Variants in ACD observed in about 807,000 individuals in gnomAD.
The protein encoded by ACD is ACD shelterin complex subunit and telomerase recruitment factor.
ACD carries 39 observed loss-of-function variants against 53.9 expected under a neutral mutation model. The observed-to-expected ratio is 0.72, with a 90% CI of 0.56 to 0.95. The LOEUF is 0.95. Among genes scored for constraint, ACD ranks in the 40% least tolerant of loss-of-function variants. The pLI, the probability that ACD is intolerant of heterozygous loss-of-function variation, is 0.00. For synonymous variants in ACD, 273 were observed against 249.2 expected (o/e 1.10, Z -0.90); for missense variants, 526 against 587.9 (o/e 0.89, Z 1.09).
chr16:67,657,669 G>A lies in ACD; in HGVS notation c.1314C>T (p.Leu438=), dbSNP rs528476326. 6.8e-6 allele frequency: 11 copies of A among 1,614,182 alleles called. No homozygotes were observed. The East Asian group carries it at 1.1e-4, about 16-fold the overall frequency. The change falls in exon 12 of 12, where the codon CTC becomes CTT. Residue 438 remains leucine, a synonymous_variant. Coordinates refer to ENST00000620761, the MANE Select transcript of ACD (RefSeq NM_001082486.2). The surrounding 1 kb of genome is among the most constrained non-coding windows in gnomAD (Gnocchi z 4.5). The part of the protein sequence containing the change: ...RVQAVRLPPQ[L]MAWALHFLMD... ...TCAGAAAGTGCAAGGCCCAGGCCAT[G>A]AGCTGGGGAGGAAGCCTGGAAAGAA...
Position 67,658,281 on chromosome 16 carries a change from GC to G in ACD, c.910del (p.Ala304LeufsTer23). ...ISLLPALSLA[A>X]PDPGQRSSSQ... ...GCTGCTTCTCTGCCCTGGGTCTGGA[GC>G]AGCCAAGGACAGGGCAGGCAGAAGG... On this transcript the variant is annotated frameshift_variant, in exon 10 of 12. Transcript: ENST00000620761. LOFTEE classifies it high-confidence loss of function. 6.2e-7 allele frequency: 1 copy of G among 1,613,798 alleles called. No homozygotes were observed.
chr16:67,659,488 G>A (rs748459722), intron 4 of ACD, 49 bp downstream of exon 4: 29 of 1,613,544 alleles, frequency 1.8e-5, no homozygotes, highest in Admixed American at 8.3e-5. Flanking sequence ...TGCCAGCGCC[G>A]GCCAGGCTGG....
chr16:67,659,723 G>T lies in ACD; in HGVS notation c.315C>A (p.Val105=). Residue 105 remains valine, a synonymous_variant, in exon 3 of 12, where the codon GTC becomes GTA. Coordinates refer to ENST00000620761, the MANE Select transcript of ACD (RefSeq NM_001082486.2). ...TCACCGCGCCGCCCTCAGCGACCTG[G>T]ACATGAACCCCGCAGTCCTGCAGCA... ...LLLLQDCGVH[V]QVAEGGAPAE... The T allele has an allele frequency of 6.2e-7, 1 of 1,613,430 alleles. No homozygotes were observed. Among genetic ancestry groups the T allele is most frequent in the Non-Finnish European group, 8.5e-7 (1 of 1,180,002 alleles).
At chr16:67,658,845 C>T in intron 7 of ACD, 29 bp from the exon 8 acceptor site, 1 of 1,601,934 alleles carries the variant, frequency 6.2e-7, no homozygotes, top group Middle Eastern at 1.7e-4. Flanking sequence ...GTAGGACAGG[C>T]CCGTTTACTC....
chr16:67,659,525 G>A lies in ACD; in HGVS notation c.413+12C>T. The A allele has an allele frequency of 3.1e-6, 5 of 1,613,186 alleles. No homozygotes were observed. Among genetic ancestry groups the A allele is most frequent in the African/African-American group, 1.3e-5 (1 of 75,036 alleles). On this transcript the variant is annotated intron_variant, in intron 4 of 11. Transcript: ENST00000620761. Reference sequence around the variant, plus strand: ...GTGGGGAGAGCTGCTGGAGGGCGGAGGCATCACTTACCAACCAGGCACCCG... The same window carrying A: ...GTGGGGAGAGCTGCTGGAGGGCGGAAGCATCACTTACCAACCAGGCACCCG...
In ACD at chr16:67,659,717, G is replaced by C; in HGVS notation, c.321C>G (p.Val107=). The change falls in exon 3 of 12, where the codon GTC becomes GTG. Residue 107 remains valine, a synonymous_variant. Coordinates refer to ENST00000620761, the MANE Select transcript of ACD (RefSeq NM_001082486.2). ...LLQDCGVHVQ[V]AEGGAPAEFY... is the part of the protein sequence containing the mutation. Reference sequence around the variant, plus strand: ...CACCACTCACCGCGCCGCCCTCAGCGACCTGGACATGAACCCCGCAGTCCT... The same window carrying C: ...CACCACTCACCGCGCCGCCCTCAGCCACCTGGACATGAACCCCGCAGTCCT... 6.2e-7 allele frequency: 1 copy of C among 1,613,334 alleles called. No homozygotes were observed.
chr16:67,660,000 G>T lies in ACD; in HGVS notation c.145C>A (p.Pro49Thr). 1 of 1,608,794 alleles carries T rather than the reference G, an allele frequency of 6.2e-7. No individual in the cohort carries two copies. Among genetic ancestry groups the T allele is most frequent in the South Asian group, 1.1e-5 (1 of 90,888 alleles). ...EAAVAGPSHA[P>T]DTSDVGATLL... is the part of the protein sequence containing the mutation. Reference sequence around the variant, plus strand: ...GTGGCCCCGACGTCGGACGTATCAGGGGCGTGGGATGGGCCCGCGACCGCG... The same window carrying T: ...GTGGCCCCGACGTCGGACGTATCAGTGGCGTGGGATGGGCCCGCGACCGCG... The change falls in exon 2 of 12, where the codon CCT becomes ACT. Residue 49 changes from proline (P) to threonine (T), a missense_variant. Pro to Thr is a conservative substitution (Grantham distance 38). Transcript: ENST00000620761.
chr16:67,660,080 C>G (rs1264383736), intron 1 of ACD, 35 bp from the exon 2 acceptor site: 1 of 1,610,866 alleles, frequency 6.2e-7, no homozygotes, highest in Non-Finnish European at 8.5e-7. Context: ...CCCACCACCC[C>G]GGGCCTCCGC....
intron 9 of ACD, 23 bp from the exon 10 acceptor site, chr16:67,658,385 T>C (rs773684014): frequency 6.2e-7 from 1 of 1,613,052 alleles, no homozygotes; most frequent in Admixed American, 1.7e-5. Flanking sequence ...GGACTTATTG[T>C]AGGCACAGCC....
rs548837823 is a variant in ACD at position 67,658,800 on chromosome 16, G to C, written c.662C>G (p.Thr221Ser). The change falls in exon 8 of 12, where the codon ACT becomes AGT. Residue 221 changes from threonine to serine, a missense_variant. Thr to Ser is a moderately conservative substitution (Grantham distance 58). Coordinates refer to ENST00000620761, the MANE Select transcript of ACD (RefSeq NM_001082486.2). ...RCKATGEAVYTVPSSMLCISE... is the reference protein window; with the variant it reads ...RCKATGEAVYSVPSSMLCISE... ...GATGCACAGCATTGAGCTGGGGACA[G>C]TGTACACAGCTTCTCCCTGTGGGAC... is the stretch of plus-strand genomic sequence containing the variant. 1 of 1,613,028 alleles carries C rather than the reference G, an allele frequency of 6.2e-7. No individual in the cohort carries two copies. The highest frequency in any genetic ancestry group is 8.5e-7 in the Non-Finnish European group (1 of 1,179,436).
In ACD at chr16:67,657,658, G is replaced by T. The variant is rs1162172805; in HGVS notation, c.1325C>A (p.Ala442Asp). Residue 442 changes from alanine to aspartate, a missense_variant, in exon 12 of 12, where the codon GCC becomes GAC. By Grantham distance (126) the Ala-to-Asp change is moderately radical (BLOSUM62 -2). Coordinates refer to ENST00000620761, the MANE Select transcript of ACD (RefSeq NM_001082486.2). This position sits in a 1 kb window ranked among gnomAD's most constrained non-coding sequence, Gnocchi z 4.5. ...CTGTGCATCCATCAGAAAGTGCAAG[G>T]CCCAGGCCATGAGCTGGGGAGGAAG... The part of the protein sequence containing the change: ...VRLPPQLMAW[A>D]LHFLMDAQPG... 6.2e-7 allele frequency: 1 copy of T among 1,614,186 alleles called. No individual in the cohort carries two copies.
Position 67,659,888 on chromosome 16 carries a change from C to A in ACD, c.242+15G>T. On this transcript the variant is annotated intron_variant, in intron 2 of 11. Transcript: ENST00000620761. ...TGCCGGACTCCGACCTCCAGAGCCG[C>A]GCGGGGCCTCTCACCAGTCCGAGGT... 1 of 1,582,300 alleles carries A rather than the reference C, an allele frequency of 6.3e-7. No homozygotes were observed. Among genetic ancestry groups the A allele is most frequent in the Non-Finnish European group, 8.6e-7 (1 of 1,162,520 alleles).
chr16:67,658,796 G>A lies in ACD; in HGVS notation c.666C>T (p.Val222=), dbSNP rs374438854. The A allele has an allele frequency of 9.9e-6, 16 of 1,613,246 alleles. No individual in the cohort carries two copies. The highest frequency in any genetic ancestry group is 1.4e-5 in the Non-Finnish European group (16 of 1,179,624). ...CKATGEAVYT[V]PSSMLCISEN... is the part of the protein sequence containing the mutation. The stretch of plus-strand genomic sequence containing the variant: ...CAGAGATGCACAGCATTGAGCTGGG[G>A]ACAGTGTACACAGCTTCTCCCTGTG... The change falls in exon 8 of 12, where the codon GTC becomes GTT. Residue 222 remains valine, a synonymous_variant. Transcript: ENST00000620761.
At position 67,659,950 on chromosome 16, in the gene ACD, G is replaced by A. The variant is rs2052969783; in HGVS notation, c.195C>T (p.His65=). The change falls in exon 2 of 12, where the codon CAC becomes CAT. Residue 65 remains histidine (H), a synonymous_variant. Coordinates refer to ENST00000620761, the MANE Select transcript of ACD (RefSeq NM_001082486.2). ...GATLLVSDGT[H]SVRCLVTREA... Reference sequence around the variant, plus strand: ...CCCGCGTCACCAGGCATCGGACACTGTGGGTCCCGTCAGACACAAGCAGCG... The same window carrying A: ...CCCGCGTCACCAGGCATCGGACACTATGGGTCCCGTCAGACACAAGCAGCG... The A allele has an allele frequency of 6.2e-7, 1 of 1,608,304 alleles. No individual in the cohort carries two copies. Among genetic ancestry groups the A allele is most frequent in the Non-Finnish European group, 8.5e-7 (1 of 1,178,898 alleles).
In ACD at chr16:67,657,794, G is replaced by GC; in HGVS notation, c.1265dup (p.Cys422TrpfsTer33). On this transcript the variant is annotated frameshift_variant, in exon 11 of 12. Transcript: ENST00000620761. LOFTEE classifies it high-confidence loss of function. The surrounding 1 kb of genome is among the most constrained non-coding windows in gnomAD (Gnocchi z 4.5). ...CTTGGACCCGAGCACAGAGGGACGT[G>GC]CAGGGTGGCTCATACTCATACTGGA... 6.2e-7 allele frequency: 1 copy of GC among 1,614,104 alleles called. No individual in the cohort carries two copies. Among genetic ancestry groups the GC allele is most frequent in the Non-Finnish European group, 8.5e-7 (1 of 1,180,024 alleles).
rs756441435 is a variant in ACD, at chr16:67,658,767, T to C, written c.695A>G (p.Asn232Ser). The C allele has an allele frequency of 6.2e-7, 1 of 1,613,538 alleles. No individual in the cohort carries two copies. The highest frequency in any genetic ancestry group is 8.5e-7 in the Non-Finnish European group (1 of 1,179,714). Residue 232 changes from asparagine to serine, a missense_variant, in exon 8 of 12, where the codon AAT (asparagine) becomes AGT (serine). Asn to Ser is a conservative substitution (Grantham distance 46). Coordinates refer to ENST00000620761, the MANE Select transcript of ACD (RefSeq NM_001082486.2). ...VPSSMLCISE[N>S]DQLILSSLGP... ...TAGAGAGCTCAGAATTAGCTGGTCATTCTCAGAGATGCACAGCATTGAGCT... is the reference window on the plus strand; with the variant it reads ...TAGAGAGCTCAGAATTAGCTGGTCACTCTCAGAGATGCACAGCATTGAGCT...
chr16:67,659,028 T>C lies in ACD; in HGVS notation c.545A>G (p.Gln182Arg). 1 of 1,613,860 alleles carries C rather than the reference T, an allele frequency of 6.2e-7. No individual in the cohort carries two copies. Among genetic ancestry groups the C allele is most frequent in the Non-Finnish European group, 8.5e-7 (1 of 1,179,974 alleles). The change falls in exon 7 of 12, where the codon CAG (glutamine) becomes CGG (arginine). Residue 182 changes from glutamine (Q) to arginine (R), a missense_variant. Physicochemically the swap from Gln to Arg is conservative, Grantham distance 43 (BLOSUM62 1). Transcript: ENST00000620761. The part of the protein sequence containing the change: ...LDEMREDQEH[Q>R]GALVCLAESC... ...TTCAGCCAGGCACACGAGTGCCCCC[T>C]GATGCTCCTGGTCCTCCCGCATTTC...
In ACD at chr16:67,659,272, A is replaced by C; in HGVS notation, c.459-9T>G. ...ACTCTGAAAGGTGCTCCCTACAGGA[A>C]GAGAGTGGCCAGGACTCAGGAACCA... is the stretch of plus-strand genomic sequence containing the variant. On this transcript the variant is annotated splice_polypyrimidine_tract_variant and intron_variant, in intron 5 of 11. Transcript: ENST00000620761. 2 of 1,614,160 alleles carry C rather than the reference A, an allele frequency of 1.2e-6. No homozygotes were observed. Among genetic ancestry groups the C allele is most frequent in the Non-Finnish European group, 1.7e-6 (2 of 1,180,012 alleles).
rs2052917578 is a variant in ACD at position 67,658,322 on chromosome 16, A to G, written c.870T>C (p.Ser290=). Reference sequence around the variant, plus strand: ...CAGGCAGAAGGCTGATGCTGGTACCACTTTCCTCGGATGACATGTGGCCGG... The same window carrying G: ...CAGGCAGAAGGCTGATGCTGGTACCGCTTTCCTCGGATGACATGTGGCCGG... The part of the protein sequence containing the change: ...ALPGHMSSEE[S]GTSISLLPAL... The change falls in exon 10 of 12, where the codon AGT becomes AGC. Residue 290 remains serine (S), a synonymous_variant. Coordinates refer to ENST00000620761, the MANE Select transcript of ACD (RefSeq NM_001082486.2). 1.2e-6 allele frequency: 2 copies of G among 1,613,618 alleles called. No homozygotes were observed. Among genetic ancestry groups the G allele is most frequent in the Non-Finnish European group, 1.7e-6 (2 of 1,179,992 alleles).
Sources: gnomAD v4.1 joint callset for allele counts on GRCh38, gnomAD v4.1.1 for gene constraint, Gnocchi (gnomAD v3.1) non-coding constraint, MANE v1.5 for transcripts, NCBI Gene and HGNC (gene_info 2026-07-23, HGNC 2026-07-21) for gene names.